The following LRRTM4 variants were observed in gnomAD, a reference collection of about 807,000 sequenced individuals.
LRRTM4 encodes leucine rich repeat transmembrane neuronal 4, also known as leucine-rich repeat transmembrane neuronal protein 4.
A neutral mutation model predicts 47.6 loss-of-function variants in LRRTM4; 25 were observed. That is an observed-to-expected ratio of 0.53 (90% CI 0.38 to 0.73). The LOEUF is 0.73. Among genes scored for constraint, LRRTM4 ranks in the 30% least tolerant of loss-of-function variants. LRRTM4 has a pLI of 0.00. For synonymous variants in LRRTM4, 311 were observed against 269.5 expected (o/e 1.15, Z -1.51); for missense variants, 638 against 713.4 (o/e 0.89, Z 1.20).
intron 3 of LRRTM4, 188 bp downstream of exon 3, chr2:77,518,129 TA>T (rs36044249): frequency 0.13 from 135,732 of 1,027,564 alleles, no homozygotes; most frequent in East Asian, 0.27. Context: ...TTCAACCATT[TA>T]AAAAAAAAAA....
chr2:76,818,897 C>A, intron 3 of LRRTM4, among the ~76,000 whole-genome samples: 1 of 151,562 alleles, frequency 6.6e-6, no homozygotes, highest in East Asian at 1.9e-4. Context: ...ACTAGTAAAA[C>A]CAGTTTGATT....
At chr2:77,381,810 A>T (rs2103793504) in intron 3 of LRRTM4, among the ~76,000 whole-genome samples, 1 of 152,200 alleles carries the variant, frequency 6.6e-6, no homozygotes. Flanking sequence ...TTATGTAGAT[A>T]AAAAGTATAT....
intron 3 of LRRTM4, among the ~76,000 whole-genome samples, chr2:76,935,240 G>C (rs2103845389): frequency 6.6e-6 from 1 of 152,198 alleles, no homozygotes; most frequent in African/African-American, 2.4e-5. Flanking sequence ...ATATGCAAAA[G>C]CTTTGCTACT....
chr2:77,261,628 A>G (rs1321084663), intron 3 of LRRTM4, among the ~76,000 whole-genome samples: 1 of 152,016 alleles, frequency 6.6e-6, no homozygotes, highest in East Asian at 1.9e-4. Context: ...GGTCCCGGAA[A>G]AGGGTCCCAG....
intron 3 of LRRTM4, among the ~76,000 whole-genome samples, chr2:76,896,953 T>A (rs146122010): frequency 2.6e-5 from 4 of 151,550 alleles, no homozygotes; most frequent in African/African-American, 9.7e-5. Context: ...ACAGGGAAAT[T>A]AGAAGAAATC....
In LRRTM4 at chr2:77,517,320, A is replaced by C. The variant is rs1679248002; in HGVS notation, c.1551+998T>G. 3 of 983,580 alleles carry C rather than the reference A, an allele frequency of 3.1e-6. No individual in the cohort carries two copies. In the African/African-American group the frequency reaches 5.2e-5, roughly 17 times the overall value. The allele number at this position is 983,580 out of a possible 1,614,324, so 60.9% of individuals were successfully genotyped here. A position where few individuals can be genotyped will look rare whatever the true frequency, so the allele number is the denominator to read the frequency against. On this transcript the variant is annotated intron_variant, in intron 3 of 3. Transcript: ENST00000409884. ...ACCTTTATTTGAGGCTGTTACAGAAAGGGAGGATACCCAGAACTCAAACCT... is the reference window on the plus strand; with the variant it reads ...ACCTTTATTTGAGGCTGTTACAGAACGGGAGGATACCCAGAACTCAAACCT...
chr2:77,385,816 C>T (rs1159625734), intron 3 of LRRTM4, among the ~76,000 whole-genome samples: 1 of 140,516 alleles, frequency 7.1e-6, no homozygotes, highest in African/African-American at 2.7e-5. Context: ...GGCACGATCT[C>T]AGCTCGGTGT....
intron 3 of LRRTM4, among the ~76,000 whole-genome samples, chr2:77,027,865 T>C (rs1417939791): frequency 6.6e-6 from 1 of 152,050 alleles, no homozygotes; most frequent in African/African-American, 2.4e-5. Flanking sequence ...AAGAATATGT[T>C]CAATACAGTC....
chr2:76,942,676 C>CTGTGTGTG (rs61077287), intron 3 of LRRTM4, among the ~76,000 whole-genome samples: 3,133 of 148,294 alleles, frequency 0.021, 43 homozygotes, highest in Middle Eastern at 0.042. Context: ...CTCTAGGAAT[C>CTGTGTGTG]TGTGTGTGTG....
At chr2:76,781,615 G>A (rs984505864) in intron 3 of LRRTM4, among the ~76,000 whole-genome samples, 12 of 152,202 alleles carry the variant, frequency 7.9e-5, no homozygotes, top group South Asian at 2.1e-4. Flanking sequence ...GCTTCGGCTC[G>A]CGCATGGTGC....
At chr2:76,870,754 A>T (rs1332372238) in intron 3 of LRRTM4, among the ~76,000 whole-genome samples, 1 of 152,182 alleles carries the variant, frequency 6.6e-6, no homozygotes, top group Non-Finnish European at 1.5e-5. Flanking sequence ...GTGAGTCAAT[A>T]TTATTTGTAA....
intron 3 of LRRTM4, among the ~76,000 whole-genome samples, chr2:76,982,620 C>T (rs1168813262): frequency 6.6e-6 from 1 of 151,892 alleles, no homozygotes; most frequent in Non-Finnish European, 1.5e-5. Context: ...CATGATGCTG[C>T]AGTGTGTGAG....
chr2:76,781,549 C>T (rs1464462220), intron 3 of LRRTM4, among the ~76,000 whole-genome samples: 1 of 152,136 alleles, frequency 6.6e-6, no homozygotes. Flanking sequence ...TTCTTTGACT[C>T]AGAAAGGGAA....
At chr2:76,802,880 G>A (rs562772275) in intron 3 of LRRTM4, among the ~76,000 whole-genome samples, 2 of 151,960 alleles carry the variant, frequency 1.3e-5, no homozygotes, top group Non-Finnish European at 2.9e-5. Flanking sequence ...AATAGTGTTG[G>A]GGCTATTGGA....
intron 3 of LRRTM4, among the ~76,000 whole-genome samples, chr2:77,440,387 C>T (rs146299265): frequency 0.066 from 10,075 of 151,966 alleles, 366 homozygotes; most frequent in African/African-American, 0.081. Context: ...GCACTCCAGC[C>T]AGGGCGACAG....
intron 3 of LRRTM4, among the ~76,000 whole-genome samples, chr2:77,508,201 C>A (rs748011603): frequency 6.6e-6 from 1 of 152,058 alleles, no homozygotes; most frequent in Non-Finnish European, 1.5e-5. Context: ...CCTTCTCCAG[C>A]GAGATCTATA....
At chr2:77,264,723 A>G (rs781566650) in intron 3 of LRRTM4, among the ~76,000 whole-genome samples, 27 of 152,168 alleles carry the variant, frequency 1.8e-4, no homozygotes, top group Non-Finnish European at 3.2e-4. Context: ...ATAATTAGAT[A>G]TAAATCTATT....
chr2:77,087,280 T>A (rs73940297), intron 3 of LRRTM4, among the ~76,000 whole-genome samples: 1 of 152,208 alleles, frequency 6.6e-6, no homozygotes, highest in East Asian at 1.9e-4. Flanking sequence ...ACATTTTTCC[T>A]GTTGACAAAT....
chr2:77,408,814 T>C (rs1013352139), intron 3 of LRRTM4, among the ~76,000 whole-genome samples: 24 of 152,228 alleles, frequency 1.6e-4, no homozygotes, highest in African/African-American at 5.5e-4. Context: ...CGGTGTCTAA[T>C]ACAGGTATTA....
Sources: allele counts gnomAD v4.1 joint callset (sites outside exome capture counted in the v4.1 genomes callset), GRCh38; gene constraint gnomAD v4.1.1; transcripts MANE v1.5; gene names NCBI Gene and HGNC (gene_info 2026-07-23, HGNC 2026-07-21).